Variants in CNNM2 observed in about 807,000 individuals in gnomAD.
The protein encoded by CNNM2 is cyclin and CBS domain divalent metal cation transport mediator 2.
Under a neutral mutation model 66.9 loss-of-function variants are expected in CNNM2, and 12 were observed. The ratio of observed to expected loss-of-function variants is 0.18; its 90% CI spans 0.11 to 0.29. CNNM2 has a LOEUF of 0.29. Among genes scored for constraint, CNNM2 ranks in the 10% least tolerant of loss-of-function variants. The pLI is 1.00. For missense variants in CNNM2, 705 were observed against 1,167.7 expected (o/e 0.60, Z 5.77); for synonymous variants, 557 against 501.8 (o/e 1.11, Z -1.47).
At chr10:102,990,368 A>G (rs944272215) in intron 1 of CNNM2, among the ~76,000 whole-genome samples, 2 of 152,154 alleles carry the variant, frequency 1.3e-5, no homozygotes, top group African/African-American at 4.8e-5. Flanking sequence ...TGGGGATGCT[A>G]CAGAAGCTGG....
chr10:102,941,796 T>C (rs1369803835), intron 1 of CNNM2, among the ~76,000 whole-genome samples: 3 of 152,216 alleles, frequency 2.0e-5, no homozygotes, highest in African/African-American at 7.2e-5. Flanking sequence ...TTCTTTTTTT[T>C]TCACCTGCCT....
intron 6 of CNNM2, among the ~76,000 whole-genome samples, chr10:103,073,868 C>CAAAAAA (rs61331007): frequency 1.3e-4 from 9 of 70,240 alleles, no homozygotes; most frequent in Admixed American, 2.2e-4. Flanking sequence ...GACTCCGTCT[C>CAAAAAA]AAAAAAAAAA....
chr10:102,976,201 CA>C (rs1304578045), intron 1 of CNNM2, among the ~76,000 whole-genome samples: 1 of 152,066 alleles, frequency 6.6e-6, no homozygotes, highest in Non-Finnish European at 1.5e-5. Flanking sequence ...GTCAAATTTA[CA>C]AAATCTTTGG....
chr10:102,950,918 T>A (rs952490024), intron 1 of CNNM2, among the ~76,000 whole-genome samples: 2 of 151,768 alleles, frequency 1.3e-5, no homozygotes, highest in Admixed American at 6.6e-5. Flanking sequence ...TGTACTCATA[T>A]ATATATTTTT....
At chr10:103,059,421 T>A (rs543098435) in intron 4 of CNNM2, among the ~76,000 whole-genome samples, 109 of 152,352 alleles carry the variant, frequency 7.2e-4, no homozygotes, top group Non-Finnish European at 1.2e-3. Context: ...AAACACATCA[T>A]TTTTTAGTTG....
chr10:102,996,657 C>T (rs1308051218), intron 1 of CNNM2, among the ~76,000 whole-genome samples: 4 of 152,152 alleles, frequency 2.6e-5, no homozygotes, highest in Non-Finnish European at 1.5e-5. Flanking sequence ...ATATTCCAGC[C>T]TGGGAAACAG....
intron 1 of CNNM2, among the ~76,000 whole-genome samples, chr10:102,921,821 C>G (rs1845649896): frequency 6.6e-6 from 1 of 152,152 alleles, no homozygotes; most frequent in Non-Finnish European, 1.5e-5. Context: ...ATTGATAACA[C>G]TAGTTTGTAC....
intron 1 of CNNM2, among the ~76,000 whole-genome samples, chr10:102,940,743 A>G (rs897522992): frequency 6.6e-6 from 1 of 150,706 alleles, no homozygotes; most frequent in African/African-American, 2.4e-5. Flanking sequence ...TTTTTTTGAG[A>G]TGGAGTCTCG....
rs368814669 is a variant in CNNM2 at position 103,077,184 on chromosome 10, G to A, written c.*4G>A. The A allele has an allele frequency of 6.6e-5, 106 of 1,611,078 alleles. No individual in the cohort carries two copies. The Middle Eastern group carries it at 1.0e-3, about 15-fold the overall frequency. ...GCACAACGAAGGCGCCATCTAGGCC[G>A]CGCTGGCTGCACCCGCCCAGGCCCG... On this transcript the variant is annotated 3_prime_UTR_variant, in exon 8 of 8. Coordinates refer to ENST00000369878, the MANE Select transcript of CNNM2 (RefSeq NM_017649.5).
At chr10:103,056,399 T>A (rs979814902) in intron 3 of CNNM2, among the ~76,000 whole-genome samples, 1 of 152,226 alleles carries the variant, frequency 6.6e-6, no homozygotes, top group African/African-American at 2.4e-5. Context: ...GCGCTGGCAC[T>A]AACCGCACCT....
chr10:102,942,521 T>C (rs974002512), intron 1 of CNNM2, among the ~76,000 whole-genome samples: 1 of 152,264 alleles, frequency 6.6e-6, no homozygotes, highest in Non-Finnish European at 1.5e-5. Context: ...GGCTGAATTA[T>C]GTTCCGTTGT....
intron 1 of CNNM2, among the ~76,000 whole-genome samples, chr10:103,018,967 TTC>T (rs2064512440): frequency 6.7e-6 from 1 of 149,880 alleles, no homozygotes; most frequent in Non-Finnish European, 1.5e-5. Flanking sequence ...GTTTACTCCT[TTC>T]TTAAAAGGAT....
intron 1 of CNNM2, among the ~76,000 whole-genome samples, chr10:103,021,940 A>G (rs1232048537): frequency 1.3e-5 from 2 of 152,238 alleles, no homozygotes; most frequent in African/African-American, 2.4e-5. Context: ...GGTTAGATCA[A>G]TTCCTGGTAA....
chr10:103,037,819 A>C (rs1378793725), intron 1 of CNNM2, among the ~76,000 whole-genome samples: 1 of 152,146 alleles, frequency 6.6e-6, no homozygotes, highest in African/African-American at 2.4e-5. Flanking sequence ...TGTGTCAGGC[A>C]GGTATCTACA....
chr10:102,985,835 G>T (rs541190329), intron 1 of CNNM2, among the ~76,000 whole-genome samples: 1 of 152,192 alleles, frequency 6.6e-6, no homozygotes. Flanking sequence ...CAAAGTGAAT[G>T]GGCCCTGCCA....
intron 1 of CNNM2, among the ~76,000 whole-genome samples, chr10:102,981,699 G>A (rs945406556): frequency 6.6e-6 from 1 of 151,888 alleles, no homozygotes; most frequent in Non-Finnish European, 1.5e-5. Flanking sequence ...GACCAGGGAT[G>A]GTAATTTTTT....
chr10:102,965,844 G>GACTT (rs1209816983), intron 1 of CNNM2, among the ~76,000 whole-genome samples: 3 of 152,110 alleles, frequency 2.0e-5, no homozygotes, highest in African/African-American at 7.2e-5. Context: ...TGAAGTTGTA[G>GACTT]ACTTGCTAGA....
In CNNM2 at chr10:103,083,777, C is replaced by T. The variant is rs2065778574; in HGVS notation, c.*6597C>T. The T allele has an allele frequency of 6.6e-6, 1 of 152,366 alleles. No homozygotes were observed. Among genetic ancestry groups the T allele is most frequent in the East Asian group, 1.9e-4 (1 of 5,184 alleles). 9.4% of individuals were successfully genotyped at this position (152,366 alleles called of 1,614,324 possible). A position where few individuals can be genotyped will look rare whatever the true frequency, so the allele number is the denominator to read the frequency against. ...ACACAGTGCCGCTGGGCTAAGCCGGCATTTCCTAGGTAAGACCAAAGGTCT... is the reference window on the plus strand; with the variant it reads ...ACACAGTGCCGCTGGGCTAAGCCGGTATTTCCTAGGTAAGACCAAAGGTCT... On this transcript the variant is annotated 3_prime_UTR_variant, in exon 8 of 8. Coordinates refer to ENST00000369878, the MANE Select transcript of CNNM2 (RefSeq NM_017649.5).
chr10:102,964,983 G>A (rs1429511680), intron 1 of CNNM2, among the ~76,000 whole-genome samples: 2 of 152,158 alleles, frequency 1.3e-5, no homozygotes, highest in Non-Finnish European at 2.9e-5. Context: ...GCCCTCTGCG[G>A]TGTGAAGACA....
Sources: allele counts gnomAD v4.1 joint callset (sites outside exome capture counted in the v4.1 genomes callset), GRCh38; gene constraint gnomAD v4.1.1; transcripts MANE v1.5; gene names NCBI Gene and HGNC (gene_info 2026-07-23, HGNC 2026-07-21).